The following ALX4 variants were observed in gnomAD, a reference collection of about 807,000 sequenced individuals.
The protein encoded by ALX4 is homeobox protein aristaless-like 4.
A neutral mutation model predicts 40.6 loss-of-function variants in ALX4; 22 were observed. That is an observed-to-expected ratio of 0.54 (90% confidence interval 0.39 to 0.77). The LOEUF is 0.77. Ranked by LOEUF, ALX4 falls within the 30% of genes least tolerant of loss-of-function variation. The pLI, the probability that ALX4 is intolerant of heterozygous loss-of-function variation, is 0.00. For synonymous variants in ALX4, 266 were observed against 240.5 expected (o/e 1.11, Z -0.98); for missense variants, 556 against 564.8 (o/e 0.98, Z 0.16).
rs11037931 is a variant in ALX4, at chr11:44,275,928, G to A, written c.467-270C>T. On this transcript the variant is annotated intron_variant, in intron 1 of 3. Transcript: ENST00000652299. ...AGCAACAATGTTATGTGAACCTAAG[G>A]CAGCCAATCTGACCTCTGTGACCTT... 0.23 allele frequency among the ~76,000 whole-genome samples: 34,240 copies of A among 152,058 alleles called. 3,928 individuals are homozygous for A. Among genetic ancestry groups the A allele is most frequent in the East Asian group, 0.29 (1,509 of 5,160 alleles).
intron 1 of ALX4, among the ~76,000 whole-genome samples, chr11:44,301,597 T>C (rs902607960): frequency 1.3e-5 from 2 of 152,224 alleles, no homozygotes; most frequent in Admixed American, 6.5e-5. Context: ...ACTGCAAGCA[T>C]CTGCCCTATT....
At chr11:44,293,547 C>A (rs1210319457) in intron 1 of ALX4, among the ~76,000 whole-genome samples, 1 of 152,240 alleles carries the variant, frequency 6.6e-6, no homozygotes, top group African/African-American at 2.4e-5. Flanking sequence ...GGATCCCCTG[C>A]AACGGGATAG....
chr11:44,304,494 G>GCC (rs550578243), intron 1 of ALX4, among the ~76,000 whole-genome samples: 5 of 151,388 alleles, frequency 3.3e-5, no homozygotes, highest in South Asian at 2.1e-4. Flanking sequence ...GGCAGGGCGC[G>GCC]CCCCCCCCAT....
chr11:44,267,697 C>T (rs1330410250), intron 2 of ALX4, 75 bp from the exon 3 acceptor site: 9 of 1,604,066 alleles, frequency 5.6e-6, no homozygotes, highest in Non-Finnish European at 7.7e-6. Context: ...GCAGTGCAAA[C>T]TGTTCCCTTG....
intron 1 of ALX4, among the ~76,000 whole-genome samples, chr11:44,280,966 C>T (rs1010755228): frequency 5.9e-5 from 9 of 152,232 alleles, no homozygotes; most frequent in Non-Finnish European, 1.3e-4. Flanking sequence ...TGGAGAAATG[C>T]ATGAAGTGGA....
chr11:44,304,604 G>A (rs1454429374), intron 1 of ALX4, among the ~76,000 whole-genome samples: 3 of 152,170 alleles, frequency 2.0e-5, no homozygotes, highest in African/African-American at 2.4e-5. Context: ...AGAGAAGCCC[G>A]AAGCCCGGAC....
At chr11:44,274,923 T>C (rs933834867) in intron 2 of ALX4, among the ~76,000 whole-genome samples, 1 of 152,176 alleles carries the variant, frequency 6.6e-6, no homozygotes, top group Non-Finnish European at 1.5e-5. Flanking sequence ...GTTCTCTGTT[T>C]CTGCCCACTG....
rs926512059 is a variant in ALX4, at chr11:44,275,518, C to T, written c.607G>A (p.Glu203Lys). 6.2e-7 allele frequency: 1 copy of T among 1,614,200 alleles called. No individual in the cohort carries two copies. The part of the protein sequence containing the change: ...RASSDLPSPL[E>K]KADSESNKGK... Reference sequence around the variant, plus strand: ...TTGTTGCTCTCTGAGTCGGCCTTCTCCAATGGGCTGGGGAGGTCTGAGCTG... The same window carrying T: ...TTGTTGCTCTCTGAGTCGGCCTTCTTCAATGGGCTGGGGAGGTCTGAGCTG... The change falls in exon 2 of 4, where the codon GAG becomes AAG. Residue 203 changes from glutamate (E) to lysine (K), a missense_variant. Glu to Lys is a moderately conservative substitution (Grantham distance 56). Transcript: ENST00000652299.
At position 44,275,592 on chromosome 11, in the gene ALX4, C is replaced by T; in HGVS notation, c.533G>A (p.Ser178Asn). The T allele has an allele frequency of 6.2e-7, 1 of 1,614,056 alleles. No homozygotes were observed. The change falls in exon 2 of 4, where the codon AGC (serine) becomes AAC (asparagine). Residue 178 changes from serine to asparagine, a missense_variant. By Grantham distance (46) the Ser-to-Asn change is conservative. Transcript: ENST00000652299. Reference protein sequence around the residue: ...PDSDTVGMDSSYLSVKEAGVK... With the variant: ...PDSDTVGMDSNYLSVKEAGVK... ...CCCAGCCTCCTTGACACTCAGGTAG[C>T]TGCTGTCCATCCCCACAGTGTCAGA...
intron 1 of ALX4, among the ~76,000 whole-genome samples, chr11:44,307,825 T>C (rs1956478193): frequency 6.6e-6 from 1 of 151,916 alleles, no homozygotes; most frequent in South Asian, 2.1e-4. Flanking sequence ...GCTGTGTGTG[T>C]CTGTGTGTGG....
At chr11:44,277,841 G>A (rs1169535729) in intron 1 of ALX4, among the ~76,000 whole-genome samples, 1 of 152,200 alleles carries the variant, frequency 6.6e-6, no homozygotes. Context: ...CGCCATGGGG[G>A]TGCACGACCG....
chr11:44,264,750 C>T lies in ALX4; in HGVS notation c.*104G>A, dbSNP rs1413210845. 21 of 1,341,342 alleles carry T rather than the reference C, an allele frequency of 1.6e-5. No individual in the cohort carries two copies. The East Asian group carries it at 5.0e-4, about 32-fold the overall frequency. The allele number at this position is 1,341,342 out of a possible 1,614,324, so 83.1% of individuals were successfully genotyped here. ...AGTGCTGAGGGTCAGGCCCCTGGCC[C>T]AGGCCAGGTTCCTAAGAGGAAAGTC... is the stretch of plus-strand genomic sequence containing the variant. On this transcript the variant is annotated 3_prime_UTR_variant, in exon 4 of 4. Transcript: ENST00000652299.
At chr11:44,269,531 CACT>C (rs1159037688) in intron 2 of ALX4, among the ~76,000 whole-genome samples, 29 of 152,362 alleles carry the variant, frequency 1.9e-4, no homozygotes, top group African/African-American at 6.7e-4. Context: ...CGAGTGTACC[CACT>C]AGTGTGGCTA....
At chr11:44,289,171 G>A (rs1403169087) in intron 1 of ALX4, among the ~76,000 whole-genome samples, 1 of 152,212 alleles carries the variant, frequency 6.6e-6, no homozygotes, top group Non-Finnish European at 1.5e-5. Flanking sequence ...GGTCGGAGAA[G>A]GCCTCTGCAA....
chr11:44,303,553 C>G (rs1956447753), intron 1 of ALX4, among the ~76,000 whole-genome samples: 1 of 152,204 alleles, frequency 6.6e-6, no homozygotes, highest in East Asian at 1.9e-4. Context: ...GAGTACCACC[C>G]TACACACCCC....
chr11:44,301,979 G>T (rs1283085647), intron 1 of ALX4, among the ~76,000 whole-genome samples: 2 of 152,166 alleles, frequency 1.3e-5, no homozygotes, highest in Admixed American at 6.5e-5. Flanking sequence ...GACGCGGGGG[G>T]TGGTTGGGCC....
chr11:44,302,513 C>T (rs967160911), intron 1 of ALX4, among the ~76,000 whole-genome samples: 3 of 152,186 alleles, frequency 2.0e-5, no homozygotes, highest in Non-Finnish European at 4.4e-5. Context: ...GGACATAAGC[C>T]GTAACACAGG....
chr11:44,278,979 AGAC>A (rs1956293792), intron 1 of ALX4, among the ~76,000 whole-genome samples: 2 of 152,192 alleles, frequency 1.3e-5, no homozygotes. Context: ...TTCCTCATTT[AGAC>A]AACAAAGAAA....
chr11:44,304,786 G>A (rs1013940009), intron 1 of ALX4, among the ~76,000 whole-genome samples: 7 of 152,228 alleles, frequency 4.6e-5, no homozygotes, highest in Admixed American at 3.3e-4. Flanking sequence ...GCTGATCTTA[G>A]AAACCAGAGT....
Sources: gnomAD v4.1 joint callset for allele counts (sites outside exome capture counted in the v4.1 genomes callset) on GRCh38, gnomAD v4.1.1 for gene constraint, MANE v1.5 for transcripts, NCBI Gene and HGNC (gene_info 2026-07-23, HGNC 2026-07-21) for gene names.